GLMN: variants seen among roughly 807,000 people sequenced by gnomAD.
GLMN encodes the protein glomulin, FKBP associated protein.
GLMN carries 75 observed loss-of-function variants against 87.8 expected under a neutral mutation model. That is an observed-to-expected ratio of 0.85 (90% CI 0.71 to 1.04). The LOEUF (loss-of-function observed/expected upper bound fraction) is 1.04, where lower values mean the gene tolerates loss of function less well. Among genes scored for constraint, GLMN ranks in the 50% least tolerant of loss-of-function variants. The pLI is 0.00. For synonymous variants in GLMN, 206 were observed against 221.6 expected, an observed-to-expected ratio of 0.93 and a Z score of 0.63; for missense variants, 588 against 658.8, an observed-to-expected ratio of 0.89 and a Z score of 1.18.
intron 11 of GLMN, 99 bp from the exon 12 acceptor site, chr1:92,266,840 G>A (rs1405941353): frequency 2.6e-6 from 2 of 767,952 alleles, no homozygotes; most frequent in African/African-American, 1.7e-5. Context: ...ATTCAGAGAA[G>A]TGAGGGTAGG....
chr1:92,326,362 T>A, the GLMN span, among the ~76,000 whole-genome samples: 1 of 152,206 alleles, frequency 6.6e-6, no homozygotes, highest in African/African-American at 2.4e-5. Flanking sequence ...CTGGTGGAGA[T>A]GGCAGGGGGG....
chr1:92,318,431 A>G, the GLMN span, among the ~76,000 whole-genome samples: 2 of 152,190 alleles, frequency 1.3e-5, no homozygotes, highest in Admixed American at 1.3e-4. Context: ...CTGATATCCA[A>G]GCCTACATTC....
At chr1:92,300,022 A>G (rs1232450927), upstream of GLMN, among the ~76,000 whole-genome samples, 4 of 152,260 alleles carry the variant, frequency 2.6e-5, no homozygotes, top group Non-Finnish European at 4.4e-5. Context: ...CTCCCAGGCT[A>G]CAAACCTGCA....
chr1:92,285,601 C>T (rs1648656656), intron 7 of GLMN, among the ~76,000 whole-genome samples: 2 of 152,154 alleles, frequency 1.3e-5, no homozygotes, highest in African/African-American at 4.8e-5. Context: ...TACCCTAGAA[C>T]TTAAAGTATA....
intron 7 of GLMN, among the ~76,000 whole-genome samples, chr1:92,283,657 T>A (rs1393304379): frequency 2.0e-5 from 3 of 152,080 alleles, no homozygotes; most frequent in Non-Finnish European, 4.4e-5. Context: ...GGGTATTTGA[T>A]TAGGAAAAGA....
chr1:92,332,441 C>T, the GLMN span, among the ~76,000 whole-genome samples: 1 of 152,048 alleles, frequency 6.6e-6, no homozygotes, highest in African/African-American at 2.4e-5. Flanking sequence ...GGATTGATCT[C>T]TGTAGGCTGT....
At chr1:92,280,319 T>A (rs1372983313) in intron 7 of GLMN, among the ~76,000 whole-genome samples, 3 of 152,158 alleles carry the variant, frequency 2.0e-5, no homozygotes, top group African/African-American at 7.2e-5. Context: ...GTGATACCCA[T>A]GCAAACAGGG....
At chr1:92,327,564 T>A in the GLMN span, among the ~76,000 whole-genome samples, 1 of 152,234 alleles carries the variant, frequency 6.6e-6, no homozygotes, top group East Asian at 1.9e-4. Flanking sequence ...GTCAGGTGAG[T>A]CCCTTGAAAA....
chr1:92,314,762 A>C, the GLMN span, among the ~76,000 whole-genome samples: 1 of 148,778 alleles, frequency 6.7e-6, no homozygotes, highest in Non-Finnish European at 1.5e-5. Context: ...AAAAAAAAAA[A>C]GGCTGGGTGT....
chr1:92,323,364 G>A, the GLMN span: 3 of 950,634 alleles, frequency 3.2e-6, no homozygotes, highest in East Asian at 2.4e-5. Context: ...TAAATACTAT[G>A]GGGTACTTTA....
At chr1:92,343,272 G>A in the GLMN span, among the ~76,000 whole-genome samples, 7 of 152,180 alleles carry the variant, frequency 4.6e-5, 1 homozygote, top group Admixed American at 2.0e-4. Flanking sequence ...CGAAATGTCC[G>A]TTGGATTTGG....
At chr1:92,298,724 C>A (rs987181001) in intron 1 of GLMN, among the ~76,000 whole-genome samples, 2 of 152,162 alleles carry the variant, frequency 1.3e-5, no homozygotes, top group African/African-American at 2.4e-5. Flanking sequence ...GTCCTCAGGG[C>A]AGCGCGCTGG....
the GLMN span, among the ~76,000 whole-genome samples, chr1:92,315,684 T>G: frequency 1.3e-5 from 2 of 152,220 alleles, no homozygotes; most frequent in African/African-American, 4.8e-5. Flanking sequence ...TAAATAAATT[T>G]AAGATTTAGA....
At chr1:92,250,123 T>A (rs1041184720) in intron 16 of GLMN, among the ~76,000 whole-genome samples, 1 of 151,962 alleles carries the variant, frequency 6.6e-6, no homozygotes, top group African/African-American at 2.4e-5. Flanking sequence ...CATTTGAACA[T>A]AAAGAGTATA....
intron 7 of GLMN, among the ~76,000 whole-genome samples, chr1:92,281,015 G>A (rs1297557386): frequency 6.6e-6 from 1 of 152,234 alleles, no homozygotes; most frequent in Non-Finnish European, 1.5e-5. Flanking sequence ...AAGTGACAGG[G>A]AGAATGGAAC....
At chr1:92,303,962 C>A, upstream of GLMN, 1 of 1,548,312 alleles carries the variant, frequency 6.5e-7, no homozygotes, top group South Asian at 1.2e-5. Context: ...AAATAACCCT[C>A]TCATTTCATT....
At chr1:92,303,884 T>C, upstream of GLMN, 1 of 764,888 alleles carries the variant, frequency 1.3e-6, no homozygotes, top group Non-Finnish European at 2.1e-6. Context: ...TTGCTATCCC[T>C]GTGTTTTCAG....
At chr1:92,257,784 C>T (rs889502142) in intron 16 of GLMN, among the ~76,000 whole-genome samples, 1 of 151,456 alleles carries the variant, frequency 6.6e-6, no homozygotes, top group Non-Finnish European at 1.5e-5. Flanking sequence ...AATCTAAAAC[C>T]ATAAAAACCC....
the GLMN span, among the ~76,000 whole-genome samples, chr1:92,323,050 TTATATATATACTTTATATATATATTTATA>T: frequency 5.5e-5 from 8 of 146,428 alleles, no homozygotes; most frequent in East Asian, 1.6e-3. Flanking sequence ...ATCTTTATAT[TTATATATATACTTTATATATATATTTATA>T]TATATATATA....
Sources: gnomAD v4.1 joint callset for allele counts (sites outside exome capture counted in the v4.1 genomes callset) on GRCh38, gnomAD v4.1.1 for gene constraint, MANE v1.5 for transcripts, NCBI Gene and HGNC (gene_info 2026-07-23, HGNC 2026-07-21) for gene names.